Variants in SPATA24 observed in about 807,000 individuals in gnomAD.
SPATA24 encodes spermatogenesis associated 24, also known as spermatogenesis-associated protein 24.
SPATA24 carries 21 observed loss-of-function variants against 28.9 expected under a neutral mutation model. That is an observed-to-expected ratio of 0.73 (90% CI 0.52 to 1.05). The LOEUF is 1.05. SPATA24 is among the 50% of genes least tolerant of loss of function. SPATA24 has a pLI of 0.00. For missense variants in SPATA24, 215 were observed against 242.9 expected (o/e 0.88, Z 0.76); for synonymous variants, 76 against 89.9 (o/e 0.85, Z 0.88).
chr5:139,402,151 A>G (rs1758839098), intron 2 of SPATA24, 106 bp from the exon 3 acceptor site: 1 of 1,384,344 alleles, frequency 7.2e-7, no homozygotes, highest in Non-Finnish European at 9.5e-7. Flanking sequence ...GCCAGAGCAC[A>G]GGGAGATTCT....
chr5:139,394,631 G>GA, downstream of SPATA24: 1 of 1,534,284 alleles, frequency 6.5e-7, no homozygotes, highest in Non-Finnish European at 8.7e-7. Flanking sequence ...ACCGCGGCGG[G>GA]AGACGCTGGC....
downstream of SPATA24, chr5:139,393,435 A>G (rs373584534): frequency 1.2e-3 from 1,897 of 1,551,622 alleles, 2 homozygotes; most frequent in Admixed American, 1.4e-3. Context: ...CGGACGGTGT[A>G]GGCGGTGCCA....
chr5:139,393,322 G>A (rs1000348803), downstream of SPATA24: 5 of 1,550,856 alleles, frequency 3.2e-6, no homozygotes, highest in African/African-American at 4.1e-5. Context: ...GGGCGGCTCG[G>A]GTGCTGCTAC....
chr5:139,396,166 C>A (rs1477849473), downstream of SPATA24: 2 of 985,246 alleles, frequency 2.0e-6, no homozygotes, highest in Non-Finnish European at 2.4e-6. Flanking sequence ...GCTAATCTGA[C>A]CCCTGAAGTG....
At chr5:139,396,597 G>A (rs1325741741), downstream of SPATA24, 1 of 1,412,428 alleles carries the variant, frequency 7.1e-7, no homozygotes, top group Non-Finnish European at 9.2e-7. Flanking sequence ...ATATAGGAAG[G>A]GATTAAATAC....
chr5:139,403,407 T>G (rs2152079927), intron 1 of SPATA24, among the ~76,000 whole-genome samples: 1 of 152,330 alleles, frequency 6.6e-6, no homozygotes, highest in East Asian at 1.9e-4. Context: ...ATGGCCAGGA[T>G]TCTATCATGC....
At chr5:139,396,597 G>C, downstream of SPATA24, 1 of 1,412,428 alleles carries the variant, frequency 7.1e-7, no homozygotes, top group South Asian at 1.5e-5. Flanking sequence ...ATATAGGAAG[G>C]GATTAAATAC....
At chr5:139,401,475 A>T (rs1758819557) in intron 4 of SPATA24, 1 of 618,880 alleles carries the variant, frequency 1.6e-6, no homozygotes, top group Non-Finnish European at 2.9e-6. Flanking sequence ...AAAGTGGGAA[A>T]ACAAAAGGTG....
downstream of SPATA24, chr5:139,396,429 T>C (rs907204376): frequency 9.1e-7 from 1 of 1,103,556 alleles, no homozygotes. Flanking sequence ...ATTATTGTCA[T>C]GTGATGGAAA....
In SPATA24 at chr5:139,404,003, C is replaced by T; in HGVS notation, c.58G>A (p.Asp20Asn). 7.1e-6 allele frequency: 11 copies of T among 1,551,964 alleles called. No homozygotes were observed. The highest frequency in any genetic ancestry group is 9.6e-6 in the Non-Finnish European group (11 of 1,147,080). ...GACTCAATCACGTCCCGCAGTTGAT[C>T]TAAAGCGAGACACACAGATCCTGAC... is the stretch of plus-strand genomic sequence containing the variant. ...AGSGSVCLALDQLRDVIESQE... is the reference protein window; with the variant it reads ...AGSGSVCLALNQLRDVIESQE... The change falls in exon 1 of 6, where the codon GAT (aspartate) becomes AAT (asparagine). Residue 20 changes from aspartate to asparagine, a missense_variant. By Grantham distance (23) the Asp-to-Asn change is conservative. Coordinates refer to ENST00000450845, the MANE Select transcript of SPATA24 (RefSeq NM_194296.2).
chr5:139,401,653 GA>G, intron 4 of SPATA24, 101 bp downstream of exon 4: 1 of 1,280,010 alleles, frequency 7.8e-7, no homozygotes, highest in Non-Finnish European at 1.1e-6. Flanking sequence ...CTCAGCTGGG[GA>G]CAGGTGTTAG....
chr5:139,398,006 T>C (rs906208145), intron 4 of SPATA24, among the ~76,000 whole-genome samples: 6 of 152,228 alleles, frequency 3.9e-5, no homozygotes, highest in African/African-American at 7.2e-5. Context: ...ACCTGGCACA[T>C]AGTAGGTATA....
At chr5:139,395,105 A>C, downstream of SPATA24, 1 of 1,386,724 alleles carries the variant, frequency 7.2e-7, no homozygotes, top group Non-Finnish European at 9.3e-7. Context: ...GCCGTGCACT[A>C]TCTCCCTCGC....
downstream of SPATA24, chr5:139,394,938 C>T: frequency 2.6e-6 from 4 of 1,520,886 alleles, no homozygotes; most frequent in Non-Finnish European, 3.5e-6. Context: ...CTTTCGCGTC[C>T]GGCCCAACGT....
At chr5:139,396,688 T>C (rs1220779612), downstream of SPATA24, 2 of 1,543,766 alleles carry the variant, frequency 1.3e-6, no homozygotes, top group Non-Finnish European at 1.7e-6. Context: ...TGTGGACCCC[T>C]ACCACTATCC....
downstream of SPATA24, chr5:139,392,698 C>G (rs2152076542): frequency 3.6e-6 from 5 of 1,391,826 alleles, no homozygotes; most frequent in South Asian, 5.0e-5. This position sits in a 1 kb window ranked among gnomAD's most constrained non-coding sequence, Gnocchi z 5.8. Flanking sequence ...CGATCGGACC[C>G]CTGCTGGCCC....
chr5:139,395,916 C>T (rs1483941208), downstream of SPATA24, among the ~76,000 whole-genome samples: 1 of 152,200 alleles, frequency 6.6e-6, no homozygotes, highest in East Asian at 1.9e-4. Context: ...CCCTGTGCTC[C>T]CCCAGGTATT....
In SPATA24 at chr5:139,404,026, G is replaced by A; in HGVS notation, c.35C>T (p.Ser12Leu). 2 of 1,551,858 alleles carry A rather than the reference G, an allele frequency of 1.3e-6. No homozygotes were observed. Among genetic ancestry groups the A allele is most frequent in the Admixed American group, 2.0e-5 (1 of 50,998 alleles). The change falls in exon 1 of 6, where the codon TCA becomes TTA. Residue 12 changes from serine to leucine, a missense_variant. By Grantham distance (145) the Ser-to-Leu change is moderately radical. Coordinates refer to ENST00000450845, the MANE Select transcript of SPATA24 (RefSeq NM_194296.2). ...ATCTAAAGCGAGACACACAGATCCT[G>A]ACCCCGCCTTCGACCACCCGAGGGG... is the stretch of plus-strand genomic sequence containing the variant. ...ATPLGWSKAG[S>L]GSVCLALDQL...
At position 139,403,858 on chromosome 5, in the gene SPATA24, G is replaced by GC. The variant is rs145804910; in HGVS notation, c.117+85dup. ...CCATGGGCCATGCGTTCTAGCCACGGCCCCCGCATCGGAACAGGTTCTGGC... is the reference window on the plus strand; with the variant it reads ...CCATGGGCCATGCGTTCTAGCCACGGCCCCCCGCATCGGAACAGGTTCTGGC... On this transcript the variant is annotated intron_variant, in intron 1 of 5. Transcript: ENST00000450845. The GC allele has an allele frequency of 8.4e-3, 9,876 of 1,171,912 alleles. 54 individuals carry two copies. The highest frequency in any genetic ancestry group is 0.01 in the Non-Finnish European group (8,424 of 810,576). 72.6% of individuals were successfully genotyped at this position (1,171,912 alleles called of 1,614,324 possible).
Sources: allele counts gnomAD v4.1 joint callset (sites outside exome capture counted in the v4.1 genomes callset), GRCh38; gene constraint gnomAD v4.1.1; non-coding constraint Gnocchi (gnomAD v3.1); transcripts MANE v1.5; gene names NCBI Gene and HGNC (gene_info 2026-07-23, HGNC 2026-07-21).